PABPC4: variants seen among roughly 807,000 people sequenced by gnomAD.
PABPC4 encodes the protein polyadenylate-binding protein 4.
Under a neutral mutation model 74.5 loss-of-function variants are expected in PABPC4, and 15 were observed. The observed-to-expected ratio is 0.20, with a 90% CI of 0.13 to 0.31. The LOEUF is 0.31. Ranked by LOEUF, PABPC4 falls within the 10% of genes least tolerant of loss-of-function variation. The probability of loss-of-function intolerance (pLI) is 1.00; values close to 1 mark genes in which losing one functional copy is unlikely to be tolerated. For synonymous variants in PABPC4, 345 were observed against 303.0 expected (o/e 1.14, Z -1.44); for missense variants, 610 against 853.5 (o/e 0.71, Z 3.55).
chr1:39,569,127 G>A (rs767842013), intron 5 of PABPC4, among the ~76,000 whole-genome samples, 188 bp from the exon 6 acceptor site: 15 of 152,164 alleles, frequency 9.9e-5, no homozygotes, highest in Non-Finnish European at 2.1e-4. Flanking sequence ...ATGGGTTATT[G>A]ATCCAGATAA....
In PABPC4 at chr1:39,576,291, T is replaced by G; in HGVS notation, c.-340A>C. ...GGAATCCCCTTCCGAAGGGTAAAAA[T>G]CCTTTAAGAGGCGACCGGACGCTGC... On this transcript the variant is annotated 5_prime_UTR_variant, in exon 1 of 16. Transcript: ENST00000372858. 1 of 212,946 alleles carries G rather than the reference T, an allele frequency of 4.7e-6. No individual in the cohort carries two copies. Among genetic ancestry groups the G allele is most frequent in the Non-Finnish European group, 9.3e-6 (1 of 107,990 alleles). 13.2% of individuals were successfully genotyped at this position (212,946 alleles called of 1,614,324 possible).
At position 39,561,666 on chromosome 1, in the gene PABPC4, T is replaced by A; in HGVS notation, c.*13+19A>T. 6.4e-7 allele frequency: 1 copy of A among 1,565,324 alleles called. No homozygotes were observed. Among genetic ancestry groups the A allele is most frequent in the Non-Finnish European group, 8.8e-7 (1 of 1,137,898 alleles). On this transcript the variant is annotated intron_variant, in intron 15 of 15. Transcript: ENST00000372858. Reference sequence around the variant, plus strand: ...GGAACAATGCTCATAGGAACAAAAATGAAAATAGCCACACATACGGTTTTT... The same window carrying A: ...GGAACAATGCTCATAGGAACAAAAAAGAAAATAGCCACACATACGGTTTTT...
intron 6 of PABPC4, 153 bp downstream of exon 6, chr1:39,568,649 T>A: frequency 1.5e-6 from 1 of 662,442 alleles, no homozygotes; most frequent in South Asian, 2.0e-5. Context: ...TCATATGTAG[T>A]AGGTATATAT....
chr1:39,576,592 G>C lies in PABPC4; in HGVS notation c.-641C>G, dbSNP rs1646030089. The C allele has an allele frequency of 6.7e-6, 1 of 149,620 alleles. No individual in the cohort carries two copies. The highest frequency in any genetic ancestry group is 6.7e-5 in the Admixed American group (1 of 15,012). 9.3% of individuals were successfully genotyped at this position (149,620 alleles called of 1,614,324 possible). A position where few individuals can be genotyped will look rare whatever the true frequency, so the allele number is the denominator to read the frequency against. ...CGGAGACCGACGGACGCCAAGCGCT[G>C]CGGCGGCGGGCGCGGGGCAGGCCGG... On this transcript the variant is annotated 5_prime_UTR_variant, in exon 1 of 16. Coordinates refer to ENST00000372858, the MANE Select transcript of PABPC4 (RefSeq NM_001135653.2).
Position 39,575,957 on chromosome 1 carries a change from C to T in PABPC4, c.-6G>A, listed in dbSNP as rs1190816008. On this transcript the variant is annotated 5_prime_UTR_variant, in exon 1 of 16. Coordinates refer to ENST00000372858, the MANE Select transcript of PABPC4 (RefSeq NM_001135653.2). ...CTGCTGGCCGCAGCGTTCATCTCCC[C>T]GCCCCCCACCACCCCGAGCCCCGCC... 1.3e-6 allele frequency: 2 copies of T among 1,553,078 alleles called. No homozygotes were observed. Among genetic ancestry groups the T allele is most frequent in the Admixed American group, 1.8e-5 (1 of 56,140 alleles).
intron 5 of PABPC4, 50 bp downstream of exon 5, chr1:39,569,545 C>T (rs761362723): frequency 7.1e-6 from 10 of 1,415,140 alleles, no homozygotes; most frequent in African/African-American, 1.4e-5. Context: ...CCTACCCATA[C>T]TCTGGGGCAA....
intron 3 of PABPC4, among the ~76,000 whole-genome samples, 180 bp from the exon 4 acceptor site, chr1:39,570,182 T>C (rs548667321): frequency 6.6e-6 from 1 of 152,326 alleles, no homozygotes; most frequent in Non-Finnish European, 1.5e-5. Flanking sequence ...GGCAGGACTA[T>C]CCTGTGAGGA....
chr1:39,572,657 G>C, intron 1 of PABPC4, 71 bp from the exon 2 acceptor site: 9 of 1,183,204 alleles, frequency 7.6e-6, no homozygotes, highest in East Asian at 4.7e-5. Flanking sequence ...CCTAAGAACA[G>C]ATTACTCCAG....
Position 39,563,681 on chromosome 1 carries a change from C to G in PABPC4, c.1601G>C (p.Arg534Pro), listed in dbSNP as rs758128316. 6.2e-7 allele frequency: 1 copy of G among 1,614,222 alleles called. No homozygotes were observed. The highest frequency in any genetic ancestry group is 1.1e-5 in the South Asian group (1 of 91,086). ...GGCGTATTTGTAGGGGGCAACAGCC[C>G]GGGGAGCAGCAGCAGCAACAGCAGC... ...PRAAVAAAAP[R>P]AVAPYKYASS... is the part of the protein sequence containing the mutation. Residue 534 changes from arginine to proline, a missense_variant, in exon 12 of 16, where the codon CGG becomes CCG. Coordinates refer to ENST00000372858, the MANE Select transcript of PABPC4 (RefSeq NM_001135653.2).
intron 7 of PABPC4, among the ~76,000 whole-genome samples, chr1:39,566,174 C>T (rs1261407228): frequency 3.3e-5 from 5 of 152,120 alleles, no homozygotes; most frequent in Admixed American, 6.5e-5. Flanking sequence ...ATAGCTACTC[C>T]GGGTAACCAC....
rs1391769336 is a variant in PABPC4 at position 39,576,480 on chromosome 1, G to C, written c.-529C>G. 6.7e-6 allele frequency: 1 copy of C among 150,250 alleles called. No homozygotes were observed. The highest frequency in any genetic ancestry group is 1.5e-5 in the Non-Finnish European group (1 of 67,274). 9.3% of individuals were successfully genotyped at this position (150,250 alleles called of 1,614,324 possible). ...GGGCAGCACGGACACGTGGTGCGCC[G>C]GGGCAGGCGCGGGGCGCGGGGCTCG... On this transcript the variant is annotated 5_prime_UTR_variant, in exon 1 of 16. Coordinates refer to ENST00000372858, the MANE Select transcript of PABPC4 (RefSeq NM_001135653.2).
intron 6 of PABPC4, 83 bp from the exon 7 acceptor site, chr1:39,567,929 A>C: frequency 1.4e-6 from 1 of 710,200 alleles, no homozygotes. Flanking sequence ...GTGGCCCCAG[A>C]CCAGGAGCAC....
Position 39,569,577 on chromosome 1 carries a change from T to C in PABPC4, c.738+18A>G, listed in dbSNP as rs1645907202. ...GCAACCTCTTAAAAGCTTTTCCCAA[T>C]CTTTGTGGTATACTCACCTTATTGG... is the stretch of plus-strand genomic sequence containing the variant. On this transcript the variant is annotated intron_variant, in intron 5 of 15. Transcript: ENST00000372858. The C allele has an allele frequency of 6.3e-7, 1 of 1,599,406 alleles. No individual in the cohort carries two copies. The highest frequency in any genetic ancestry group is 8.6e-7 in the Non-Finnish European group (1 of 1,166,738).
Position 39,569,029 on chromosome 1 carries a change from A to G in PABPC4, c.739-90T>C. On this transcript the variant is annotated intron_variant, in intron 5 of 15. Transcript: ENST00000372858. Reference sequence around the variant, plus strand: ...AGTCCCAAAAAATATTCTTTCTACTATAGGACTAAAAACTAAATTCACTCC... The same window carrying G: ...AGTCCCAAAAAATATTCTTTCTACTGTAGGACTAAAAACTAAATTCACTCC... 4 of 1,434,990 alleles carry G rather than the reference A, an allele frequency of 2.8e-6. No individual in the cohort carries two copies. The South Asian group carries it at 5.5e-5, about 20-fold the overall frequency. The allele number at this position is 1,434,990 out of a possible 1,614,324, so 88.9% of individuals were successfully genotyped here.
intron 1 of PABPC4, among the ~76,000 whole-genome samples, chr1:39,574,687 G>GT (rs1244081093): frequency 6.6e-6 from 1 of 152,236 alleles, no homozygotes; most frequent in Non-Finnish European, 1.5e-5. Context: ...TGGGCAGGTA[G>GT]TAACTCTGGG....
intron 4 of PABPC4, 85 bp downstream of exon 4, chr1:39,569,778 A>C: frequency 6.3e-7 from 1 of 1,591,422 alleles, no homozygotes; most frequent in Non-Finnish European, 8.6e-7. Flanking sequence ...ACTTGAAGCA[A>C]ATCTCTGGAG....
intron 3 of PABPC4, 148 bp from the exon 4 acceptor site, chr1:39,570,150 G>T: frequency 1.3e-6 from 1 of 748,122 alleles, no homozygotes; most frequent in Non-Finnish European, 2.2e-6. Flanking sequence ...GATACCCCAA[G>T]TCCCCAGCAG....
In PABPC4 at chr1:39,564,758, G is replaced by A; in HGVS notation, c.1261C>T (p.Pro421Ser). 1 of 1,613,920 alleles carries A rather than the reference G, an allele frequency of 6.2e-7. No individual in the cohort carries two copies. The highest frequency in any genetic ancestry group is 2.2e-5 in the East Asian group (1 of 44,880). The change falls in exon 9 of 16, where the codon CCA becomes TCA. Residue 421 changes from proline (P) to serine (S), a missense_variant. Around this residue, in one of 4 missense-constraint regions of PABPC4, gnomAD observed 277 missense variants for 301.8 expected, o/e 0.92. Transcript: ENST00000372858. Reference protein sequence around the residue: ...PAVPQAQGRPPYYTPNQLAQM... With the variant: ...PAVPQAQGRPSYYTPNQLAQM... ...GCTAACTGGTTAGGTGTATAATATG[G>A]AGGCCTTCCCTGAGCCTGTAAGACA...
intron 5 of PABPC4, among the ~76,000 whole-genome samples, chr1:39,569,282 A>AC (rs1645899767): frequency 1.3e-5 from 2 of 152,328 alleles, no homozygotes; most frequent in South Asian, 4.1e-4. Context: ...TGCTTTGCCC[A>AC]CAAGTAGCTG....
Sources: allele counts gnomAD v4.1 joint callset (sites outside exome capture counted in the v4.1 genomes callset), GRCh38; gene constraint gnomAD v4.1.1; regional missense constraint gnomAD v4.1.1; transcripts MANE v1.5; gene names NCBI Gene and HGNC (gene_info 2026-07-23, HGNC 2026-07-21).